SOX6: variants seen among roughly 807,000 people sequenced by gnomAD.
SOX6 encodes the protein SRY-box transcription factor 6, also known as transcription factor SOX-6.
SOX6 carries 11 observed loss-of-function variants against 97.8 expected under a neutral mutation model. The observed-to-expected ratio is 0.11, with a 90% CI of 0.07 to 0.19. SOX6 has a LOEUF of 0.19. Among genes scored for constraint, SOX6 ranks in the 10% least tolerant of loss-of-function variants. The pLI is 1.00. For synonymous variants in SOX6, 360 were observed against 371.4 expected (o/e 0.97, Z 0.35); for missense variants, 810 against 1,039.5 (o/e 0.78, Z 3.04).
At chr11:16,721,902 G>A (rs1267692552) in intron 2 of SOX6, among the ~76,000 whole-genome samples, 2 of 151,946 alleles carry the variant, frequency 1.3e-5, no homozygotes, top group African/African-American at 4.8e-5. Context: ...ACAACCATCT[G>A]ACCTTTGACA....
intron 4 of SOX6, among the ~76,000 whole-genome samples, chr11:16,199,375 T>C (rs562094887): frequency 6.6e-6 from 1 of 152,216 alleles, no homozygotes; most frequent in African/African-American, 2.4e-5. Context: ...GCATTTTTTC[T>C]CTACTGCAAC....
chr11:16,404,823 T>A (rs1271518941), intron 1 of SOX6, among the ~76,000 whole-genome samples: 1 of 152,032 alleles, frequency 6.6e-6, no homozygotes, highest in African/African-American at 2.4e-5. Context: ...AACTCTTTTG[T>A]AAGTTTTCTT....
intron 6 of SOX6, among the ~76,000 whole-genome samples, chr11:16,117,176 C>G (rs1849368808): frequency 6.6e-6 from 1 of 151,962 alleles, no homozygotes; most frequent in Admixed American, 6.6e-5. Flanking sequence ...GGTGAGACCC[C>G]TGTCTGTCTC....
At chr11:16,305,520 G>A (rs887614309) in intron 3 of SOX6, among the ~76,000 whole-genome samples, 20 of 152,086 alleles carry the variant, frequency 1.3e-4, no homozygotes, top group Non-Finnish European at 2.2e-4. Context: ...AAAATCCAAC[G>A]TACAATATAG....
intron 1 of SOX6, among the ~76,000 whole-genome samples, chr11:16,474,821 T>TTTTC (rs1454137246): frequency 6.6e-6 from 1 of 152,172 alleles, no homozygotes; most frequent in East Asian, 1.9e-4. Flanking sequence ...AGGCGCTGAC[T>TTTTC]TTTCCTCTCT....
chr11:16,608,790 T>G (rs1251723492), intron 4 of SOX6, among the ~76,000 whole-genome samples: 1 of 152,228 alleles, frequency 6.6e-6, no homozygotes, highest in Non-Finnish European at 1.5e-5. Flanking sequence ...TGTTATACTG[T>G]TATATGGATA....
At chr11:16,113,123 G>T (rs1849269117) in intron 6 of SOX6, among the ~76,000 whole-genome samples, 1 of 152,002 alleles carries the variant, frequency 6.6e-6, no homozygotes, top group Non-Finnish European at 1.5e-5. Flanking sequence ...GCCTTGTCCT[G>T]TCCCTGTTCC....
intron 3 of SOX6, chr11:16,316,440 T>G (rs1451061439): frequency 6.6e-6 from 1 of 151,244 alleles, no homozygotes; most frequent in Admixed American, 6.6e-5. Flanking sequence ...AACATACATA[T>G]TGCAAAAAAA....
intron 3 of SOX6, chr11:16,314,327 T>C (rs1405033949): frequency 1.3e-5 from 2 of 152,184 alleles, no homozygotes; most frequent in Non-Finnish European, 2.9e-5. Flanking sequence ...AATCCTTTCA[T>C]TCTCCAAGAC....
intron 9 of SOX6, among the ~76,000 whole-genome samples, chr11:16,068,762 C>A (rs7947622): frequency 0.056 from 8,455 of 152,224 alleles, 619 homozygotes; most frequent in East Asian, 0.37. Context: ...AACTCAAGAA[C>A]CACTTTTTCC....
intron 9 of SOX6, among the ~76,000 whole-genome samples, chr11:16,069,592 C>A (rs1442904551): frequency 6.6e-6 from 1 of 152,104 alleles, no homozygotes. Context: ...TTTTAAACTG[C>A]AACCTTAGTA....
At chr11:16,609,460 G>A (rs1274525535) in intron 4 of SOX6, among the ~76,000 whole-genome samples, 1 of 152,174 alleles carries the variant, frequency 6.6e-6, no homozygotes, top group East Asian at 1.9e-4. Context: ...AAGGACATAT[G>A]GACCAAAAGA....
intron 3 of SOX6, among the ~76,000 whole-genome samples, chr11:16,302,845 C>T (rs905398410): frequency 6.6e-6 from 1 of 152,132 alleles, no homozygotes; most frequent in Admixed American, 6.5e-5. Context: ...GCTGGGATTA[C>T]AGGCAGGAGC....
Position 16,046,958 on chromosome 11 carries a change from A to G in SOX6, c.1436-257T>C, listed in dbSNP as rs947707557. ...CTGTCTACTCACCTCCTCACAGACT[A>G]CAGTTCCTAGACTCCAATTGTATAC... is the stretch of plus-strand genomic sequence containing the variant. On this transcript the variant is annotated intron_variant, in intron 11 of 15. Transcript: ENST00000683767. Among the ~76,000 whole-genome samples the G allele has an allele frequency of 1.6e-4, 24 of 152,202 alleles. 2 individuals carry two copies. Among genetic ancestry groups the G allele is most frequent in the East Asian group, 9.7e-4 (5 of 5,166 alleles).
At chr11:16,088,860 T>C (rs1351882109) in intron 9 of SOX6, among the ~76,000 whole-genome samples, 2 of 152,228 alleles carry the variant, frequency 1.3e-5, no homozygotes, top group East Asian at 1.9e-4. Context: ...TAGTTTGAGA[T>C]AGTCAAATAC....
chr11:15,997,485 C>A (rs1854260974), intron 13 of SOX6, among the ~76,000 whole-genome samples: 1 of 152,060 alleles, frequency 6.6e-6, no homozygotes, highest in African/African-American at 2.4e-5. Context: ...ACATCATGAC[C>A]AAGTAGAACT....
intron 4 of SOX6, among the ~76,000 whole-genome samples, chr11:16,575,280 G>A (rs1404029055): frequency 6.6e-6 from 1 of 152,188 alleles, no homozygotes; most frequent in Non-Finnish European, 1.5e-5. Flanking sequence ...TAACAAGAAT[G>A]TTAATAGGCT....
intron 3 of SOX6, among the ~76,000 whole-genome samples, chr11:16,286,776 T>C (rs1485537466): frequency 6.6e-6 from 1 of 152,186 alleles, no homozygotes; most frequent in Non-Finnish European, 1.5e-5. Context: ...TAATATCTGT[T>C]AAATAATAGT....
rs2134272951 is a variant in SOX6 at position 16,300,696 on chromosome 11, C to CA, written c.445+17749dup. Among the ~76,000 whole-genome samples, 1 of 152,314 alleles carries CA rather than the reference C, an allele frequency of 6.6e-6. No homozygotes were observed. Among genetic ancestry groups the CA allele is most frequent in the Admixed American group, 6.5e-5 (1 of 15,310 alleles). ...GGGGCTAACGAAAACTGAAGTTCAT[C>CA]ACCAGAGAAACCTGCGGCTGTTCAC... is the stretch of plus-strand genomic sequence containing the variant. On this transcript the variant is annotated intron_variant, in intron 3 of 15. Transcript: ENST00000683767. The surrounding 1 kb of genome is among the most constrained non-coding windows in gnomAD (Gnocchi z 4.1).
Sources: allele counts gnomAD v4.1 joint callset (sites outside exome capture counted in the v4.1 genomes callset), GRCh38; gene constraint gnomAD v4.1.1; non-coding constraint Gnocchi (gnomAD v3.1); transcripts MANE v1.5; gene names NCBI Gene and HGNC (gene_info 2026-07-23, HGNC 2026-07-21).